TSC22D1: variants seen among roughly 807,000 people sequenced by gnomAD.
TSC22D1 encodes the protein TSC22 domain family member 1.
In TSC22D1, 9 loss-of-function variants were observed where a neutral mutation model predicts 74.2. The observed-to-expected ratio is 0.12, with a 90% confidence interval of 0.07 to 0.21. The LOEUF (loss-of-function observed/expected upper bound fraction) is 0.21. Ranked by LOEUF, TSC22D1 falls within the 10% of genes least tolerant of loss-of-function variation. The probability of loss-of-function intolerance (pLI) is 1.00; values close to 1 mark genes in which losing one functional copy is unlikely to be tolerated. For missense variants in TSC22D1, 1,427 were observed against 1,304.7 expected (o/e 1.09, Z -1.44); for synonymous variants, 586 against 492.5 (o/e 1.19, Z -2.51).
At chr13:44,539,504 G>T in intron 1 of TSC22D1, 1 of 985,350 alleles carries the variant, frequency 1.0e-6, no homozygotes, top group Non-Finnish European at 1.2e-6. Flanking sequence ...AGATATTCCC[G>T]TTTTAAAATT....
chr13:44,534,453 T>C (rs1314911031), intron 1 of TSC22D1, among the ~76,000 whole-genome samples: 1 of 151,882 alleles, frequency 6.6e-6, no homozygotes, highest in Non-Finnish European at 1.5e-5. Flanking sequence ...CATTTTTCGA[T>C]GTTATCCTTT....
intron 1 of TSC22D1, among the ~76,000 whole-genome samples, chr13:44,488,440 G>A (rs1458617862): frequency 1.3e-5 from 2 of 152,076 alleles, no homozygotes; most frequent in African/African-American, 2.4e-5. Context: ...AACTTCACCT[G>A]TTTTTTGCTT....
Position 44,529,758 on chromosome 13 carries a change from T to C in TSC22D1, c.2912+43405A>G, listed in dbSNP as rs144661957. 1.3e-3 allele frequency among the ~76,000 whole-genome samples: 202 copies of C among 152,194 alleles called. 1 individual carries two copies. The highest frequency in any genetic ancestry group is 4.6e-3 in the African/African-American group (192 of 41,550). On this transcript the variant is annotated intron_variant, in intron 1 of 2. Coordinates refer to ENST00000458659, the MANE Select transcript of TSC22D1 (RefSeq NM_183422.4). ...GAAGAATATAAGGTTAGTACACAAG[T>C]CAATTGCTTTCCCATACACCAGCAA...
chr13:44,467,855 A>C (rs1313116444), intron 1 of TSC22D1, among the ~76,000 whole-genome samples: 1 of 152,174 alleles, frequency 6.6e-6, no homozygotes, highest in Non-Finnish European at 1.5e-5. Context: ...AAACTAAAAG[A>C]AGATCTATCA....
intron 1 of TSC22D1, among the ~76,000 whole-genome samples, chr13:44,444,496 TC>T (rs1875479430): frequency 6.6e-6 from 1 of 151,766 alleles, no homozygotes; most frequent in Non-Finnish European, 1.5e-5. Flanking sequence ...AAGAAGATAT[TC>T]CATGTTAACA....
rs1874351357 is a variant in TSC22D1 at position 44,434,500 on chromosome 13, G to A, written c.*126C>T. On this transcript the variant is annotated 3_prime_UTR_variant, in exon 3 of 3. Coordinates refer to ENST00000458659, the MANE Select transcript of TSC22D1 (RefSeq NM_183422.4). ...TACTGGAAAAGAGATAATGGCATATGTCAGTCTCACGTCTCTTTCGCAGCG... is the reference window on the plus strand; with the variant it reads ...TACTGGAAAAGAGATAATGGCATATATCAGTCTCACGTCTCTTTCGCAGCG... The A allele has an allele frequency of 3.5e-6, 5 of 1,425,208 alleles. No homozygotes were observed. The highest frequency in any genetic ancestry group is 1.4e-5 in the African/African-American group (1 of 69,202). 88.3% of individuals were successfully genotyped at this position (1,425,208 alleles called of 1,614,324 possible).
At chr13:44,494,091 C>T (rs2137965122) in intron 1 of TSC22D1, among the ~76,000 whole-genome samples, 2 of 151,908 alleles carry the variant, frequency 1.3e-5, no homozygotes, top group Middle Eastern at 6.9e-3. Flanking sequence ...ATTAGCCAAG[C>T]ATGGTCAGGC....
chr13:44,571,304 T>C (rs1883748234), intron 1 of TSC22D1, among the ~76,000 whole-genome samples: 4 of 152,220 alleles, frequency 2.6e-5, no homozygotes, highest in Admixed American at 1.3e-4. Flanking sequence ...TTCTCAATTA[T>C]TATCTGGAAA....
In TSC22D1 at chr13:44,575,853, C is replaced by A. The variant is rs1884190832; in HGVS notation, c.222G>T (p.Thr74=). The change falls in exon 1 of 3, where the codon ACG becomes ACT. Residue 74 remains threonine, a synonymous_variant. Coordinates refer to ENST00000458659, the MANE Select transcript of TSC22D1 (RefSeq NM_183422.4). The part of the protein sequence containing the change: ...LQPPPPAASS[T]SGPQPPPPQS... Reference sequence around the variant, plus strand: ...GTGGAGGCGGAGGCTGTGGTCCCGACGTAGAAGATGCTGCAGGGGGCGGCG... The same window carrying A: ...GTGGAGGCGGAGGCTGTGGTCCCGAAGTAGAAGATGCTGCAGGGGGCGGCG... 2 of 1,613,856 alleles carry A rather than the reference C, an allele frequency of 1.2e-6. No homozygotes were observed. The highest frequency in any genetic ancestry group is 1.1e-5 in the South Asian group (1 of 91,070).
chr13:44,539,412 G>T, intron 1 of TSC22D1: 2 of 985,334 alleles, frequency 2.0e-6, no homozygotes, highest in Non-Finnish European at 2.4e-6. Context: ...TTTGCCCAAA[G>T]ATGAAATACA....
At chr13:44,565,425 TGA>T (rs1176755468) in intron 1 of TSC22D1, among the ~76,000 whole-genome samples, 17 of 152,106 alleles carry the variant, frequency 1.1e-4, no homozygotes, top group African/African-American at 3.9e-4. Context: ...CTGGTCAAAT[TGA>T]CTGGTAAAGA....
In TSC22D1 at chr13:44,432,704, C is replaced by T. The variant is rs922382366; in HGVS notation, c.*1922G>A. 1 of 149,114 alleles carries T rather than the reference C, an allele frequency of 6.7e-6. No homozygotes were observed. Among genetic ancestry groups the T allele is most frequent in the Non-Finnish European group, 1.5e-5 (1 of 67,252 alleles). The allele number at this position is 149,114 out of a possible 1,614,324, so 9.2% of individuals were successfully genotyped here. ...ATGATTCAGAAAGTTTGTCCTTGTT[C>T]TGCAAGGACTTAAGACAAGCCTTAG... On this transcript the variant is annotated 3_prime_UTR_variant, in exon 3 of 3. Coordinates refer to ENST00000458659, the MANE Select transcript of TSC22D1 (RefSeq NM_183422.4).
intron 1 of TSC22D1, among the ~76,000 whole-genome samples, chr13:44,546,797 G>A (rs551408520): frequency 8.0e-5 from 11 of 138,118 alleles, no homozygotes; most frequent in African/African-American, 2.8e-4. Flanking sequence ...TATGTACTTA[G>A]GGTGTGGCTC....
chr13:44,572,142 A>G (rs1202105694), intron 1 of TSC22D1, among the ~76,000 whole-genome samples: 3 of 152,180 alleles, frequency 2.0e-5, no homozygotes, highest in South Asian at 2.1e-4. Context: ...CATAACTCCT[A>G]TAATAGCATT....
intron 1 of TSC22D1, among the ~76,000 whole-genome samples, chr13:44,524,170 C>T (rs1038340811): frequency 2.6e-5 from 4 of 152,020 alleles, no homozygotes; most frequent in East Asian, 3.9e-4. Context: ...ACTTCTAAGT[C>T]GTGGGACTCA....
intron 1 of TSC22D1, among the ~76,000 whole-genome samples, chr13:44,483,667 CAAAAAAA>C (rs36015133): frequency 3.1e-5 from 2 of 64,134 alleles, no homozygotes; most frequent in South Asian, 1.0e-3. Context: ...GACTCCGTCT[CAAAAAAA>C]AAAAAAAAAA....
In TSC22D1 at chr13:44,434,526, A is replaced by G; in HGVS notation, c.*100T>C. ...TCAGTCTCACGTCTCTTTCGCAGCG[A>G]GCAATGAAATGGGTGACTGTGGAGG... On this transcript the variant is annotated 3_prime_UTR_variant, in exon 3 of 3. Coordinates refer to ENST00000458659, the MANE Select transcript of TSC22D1 (RefSeq NM_183422.4). 6.8e-7 allele frequency: 1 copy of G among 1,468,988 alleles called. No homozygotes were observed. Among genetic ancestry groups the G allele is most frequent in the South Asian group, 1.5e-5 (1 of 65,684 alleles). 91.0% of individuals were successfully genotyped at this position (1,468,988 alleles called of 1,614,324 possible).
At chr13:44,456,887 G>A (rs970233208) in intron 1 of TSC22D1, among the ~76,000 whole-genome samples, 1 of 152,176 alleles carries the variant, frequency 6.6e-6, no homozygotes, top group African/African-American at 2.4e-5. Flanking sequence ...TTAATATTTA[G>A]AAGGGCTAAC....
chr13:44,441,504 A>T (rs948190840), intron 1 of TSC22D1, among the ~76,000 whole-genome samples: 2 of 152,210 alleles, frequency 1.3e-5, no homozygotes, highest in African/African-American at 4.8e-5. Flanking sequence ...AGGAAGAAAA[A>T]TTGCATGGCA....
Sources: gnomAD v4.1 joint callset for allele counts (sites outside exome capture counted in the v4.1 genomes callset) on GRCh38, gnomAD v4.1.1 for gene constraint, MANE v1.5 for transcripts, NCBI Gene and HGNC (gene_info 2026-07-23, HGNC 2026-07-21) for gene names.